Variants in DIP2C observed in about 807,000 individuals in gnomAD.
DIP2C encodes the protein DIP2 acetate--CoA ligase C (putative).
A neutral mutation model predicts 192.4 loss-of-function variants in DIP2C; 33 were observed. The ratio of observed to expected loss-of-function variants is 0.17; its 90% confidence interval spans 0.13 to 0.23. The LOEUF (loss-of-function observed/expected upper bound fraction) is 0.23, where lower values mean the gene tolerates loss of function less well. Among genes scored for constraint, DIP2C ranks in the 10% least tolerant of loss-of-function variants. The pLI, the probability that DIP2C is intolerant of heterozygous loss-of-function variation, is 1.00. For synonymous variants in DIP2C, 979 were observed against 864.1 expected (o/e 1.13, Z -2.33); for missense variants, 1,537 against 2,110.1 (o/e 0.73, Z 5.32).
At chr10:365,053 G>C (rs760707005) in intron 19 of DIP2C, 16 of 525,756 alleles carry the variant, frequency 3.0e-5, no homozygotes, top group Middle Eastern at 3.2e-4. Flanking sequence ...AAGCAAATCA[G>C]ATCAGTTCAA....
intron 1 of DIP2C, among the ~76,000 whole-genome samples, chr10:579,903 CTA>C (rs562925280): frequency 7.8e-4 from 119 of 152,042 alleles, no homozygotes; most frequent in South Asian, 5.0e-3. Flanking sequence ...AGCACACAAT[CTA>C]TATGCATACA....
At chr10:500,755 C>T (rs966563312) in intron 1 of DIP2C, among the ~76,000 whole-genome samples, 3 of 152,200 alleles carry the variant, frequency 2.0e-5, no homozygotes, top group Admixed American at 1.3e-4. Flanking sequence ...AAACAAATCA[C>T]CTCATCTGGG....
rs556087628 is a variant in DIP2C, at chr10:509,193, C to T, written c.86-22663G>A. ...GACTGACTGTAATTCCCTGGTGGCA[C>T]GCGTGGATACTGATTCACCCGGGGA... On this transcript the variant is annotated intron_variant, in intron 1 of 36. Coordinates refer to ENST00000280886, the MANE Select transcript of DIP2C (RefSeq NM_014974.3). Among the ~76,000 whole-genome samples the T allele has an allele frequency of 1.4e-4, 21 of 152,130 alleles. No individual in the cohort carries two copies. The South Asian group carries it at 1.7e-3, about 12-fold the overall frequency.
intron 1 of DIP2C, among the ~76,000 whole-genome samples, chr10:674,479 A>T (rs1830786336): frequency 6.6e-6 from 1 of 152,126 alleles, no homozygotes; most frequent in Admixed American, 6.5e-5. Context: ...TAGTAGATCT[A>T]AATAGAGAGG....
intron 1 of DIP2C, among the ~76,000 whole-genome samples, chr10:672,212 G>A (rs201801064): frequency 9.2e-4 from 139 of 151,674 alleles, no homozygotes; most frequent in East Asian, 3.9e-3. Context: ...AAACACCACC[G>A]ACGCAGGGAC....
chr10:476,517 T>C (rs976960563), intron 2 of DIP2C, among the ~76,000 whole-genome samples: 3 of 152,250 alleles, frequency 2.0e-5, no homozygotes, highest in African/African-American at 7.2e-5. Flanking sequence ...GCCAGGACTA[T>C]TACTTCTGCT....
rs574285588 is a variant in DIP2C at position 346,256 on chromosome 10, G to A, written c.3232-1146C>T. Among the ~76,000 whole-genome samples, 7 of 16,454 alleles carry A rather than the reference G, an allele frequency of 4.3e-4. 3 individuals are homozygous for A. Among genetic ancestry groups the A allele is most frequent in the African/African-American group, 1.7e-3 (7 of 4,082 alleles). 10.8% of individuals were successfully genotyped at this position (16,454 alleles called of 152,430 possible). Reference sequence around the variant, plus strand: ...TATCGCGTATAGTTCTCCTGGAAACGTCACACACACCCAACCCAGACACAT... The same window carrying A: ...TATCGCGTATAGTTCTCCTGGAAACATCACACACACCCAACCCAGACACAT... On this transcript the variant is annotated intron_variant, in intron 26 of 36. Coordinates refer to ENST00000280886, the MANE Select transcript of DIP2C (RefSeq NM_014974.3).
intron 19 of DIP2C, chr10:364,980 C>G (rs187418485): frequency 1.9e-6 from 1 of 534,354 alleles, no homozygotes; most frequent in Admixed American, 2.0e-5. Flanking sequence ...AAAGTAATCT[C>G]TCTTCATTCA....
chr10:390,368 G>A lies in DIP2C; in HGVS notation c.1390C>T (p.Pro464Ser), dbSNP rs1284908793. 1.9e-6 allele frequency: 3 copies of A among 1,613,696 alleles called. No individual in the cohort carries two copies. In the African/African-American group the frequency reaches 4.0e-5, roughly 22 times the overall value. ...TCTGTGACAAACCACAGCAGCTTTG[G>A]CCAACCTTGGAAATAAACAACAAGT... ...TGEIPQFKGW[P>S]KLLWFVTESK... The change falls in exon 12 of 37, where the codon CCA becomes TCA. Residue 464 changes from proline to serine, a missense_variant. Around this residue, in one of 4 missense-constraint regions of DIP2C, gnomAD observed 677 missense variants for 989.9 expected, o/e 0.68. Coordinates refer to ENST00000280886, the MANE Select transcript of DIP2C (RefSeq NM_014974.3).
intron 1 of DIP2C, among the ~76,000 whole-genome samples, chr10:549,070 C>T (rs539237026): frequency 6.6e-6 from 1 of 152,192 alleles, no homozygotes; most frequent in South Asian, 2.1e-4. Flanking sequence ...AAGGCAAAAC[C>T]GATCCACTTT....
chr10:309,687 G>A (rs990779603), intron 32 of DIP2C, among the ~76,000 whole-genome samples: 1 of 151,482 alleles, frequency 6.6e-6, no homozygotes, highest in Non-Finnish European at 1.5e-5. Context: ...GCCTCCCAAA[G>A]AGCTGGGATG....
chr10:326,047 G>A (rs1039193977), intron 31 of DIP2C, among the ~76,000 whole-genome samples: 2 of 152,052 alleles, frequency 1.3e-5, no homozygotes, highest in African/African-American at 4.8e-5. Context: ...CAGGCGTGGT[G>A]GTGTGCACCT....
chr10:447,437 TCA>T (rs1394593590), intron 3 of DIP2C, among the ~76,000 whole-genome samples: 2 of 146,582 alleles, frequency 1.4e-5, no homozygotes, highest in Admixed American at 1.3e-4. Flanking sequence ...ATACTCAGGA[TCA>T]CACACAGTGG....
At chr10:457,666 C>T (rs949924155) in intron 3 of DIP2C, among the ~76,000 whole-genome samples, 1 of 152,174 alleles carries the variant, frequency 6.6e-6, no homozygotes. Context: ...AGTGATCCTT[C>T]CACCTCAGCC....
At chr10:619,114 G>A (rs966063080) in intron 1 of DIP2C, among the ~76,000 whole-genome samples, 1 of 152,176 alleles carries the variant, frequency 6.6e-6, no homozygotes, top group Non-Finnish European at 1.5e-5. Context: ...GAAAGGCACG[G>A]TGAGCCCCCT....
chr10:296,743 A>G (rs1487105086), intron 32 of DIP2C, among the ~76,000 whole-genome samples: 1 of 152,004 alleles, frequency 6.6e-6, no homozygotes, highest in Admixed American at 6.6e-5. Flanking sequence ...TTGTAGGAAC[A>G]TGGAGGAAGG....
In DIP2C at chr10:363,512, C is replaced by A. The variant is rs1412200059; in HGVS notation, c.2478-201G>T. ...GAGGCGCCCAGGGATGCTGCCGAGG[C>A]AAGGTCACCCTGATCCCCACGGAGG... On this transcript the variant is annotated intron_variant, in intron 20 of 36. Coordinates refer to ENST00000280886, the MANE Select transcript of DIP2C (RefSeq NM_014974.3). The surrounding 1 kb of genome is among the most constrained non-coding windows in gnomAD (Gnocchi z 5.4). 6.6e-6 allele frequency among the ~76,000 whole-genome samples: 1 copy of A among 152,172 alleles called. No individual in the cohort carries two copies. Among genetic ancestry groups the A allele is most frequent in the African/African-American group, 2.4e-5 (1 of 41,444 alleles).
At position 566,401 on chromosome 10, in the gene DIP2C, C is replaced by T. The variant is rs563019907; in HGVS notation, c.86-79871G>A. 7.9e-5 allele frequency among the ~76,000 whole-genome samples: 12 copies of T among 152,342 alleles called. No homozygotes were observed. The South Asian group carries it at 2.5e-3, about 32-fold the overall frequency. ...GTTCACCTGGTGCATGAGCCGCTGA[C>T]CCACCAGAGGCGCCACCAAACCCTG... On this transcript the variant is annotated intron_variant, in intron 1 of 36. Coordinates refer to ENST00000280886, the MANE Select transcript of DIP2C (RefSeq NM_014974.3).
In DIP2C at chr10:689,467, C is replaced by G; in HGVS notation, c.85+27G>C. ...GCGGCCCTCCCCGGTGACAGCGCGG[C>G]CCGGCCCGGGGCGGGGGCCCGGTTA... On this transcript the variant is annotated intron_variant, in intron 1 of 36. Coordinates refer to ENST00000280886, the MANE Select transcript of DIP2C (RefSeq NM_014974.3). The surrounding 1 kb of genome is among the most constrained non-coding windows in gnomAD (Gnocchi z 6.1). The G allele has an allele frequency of 2.6e-6, 3 of 1,149,214 alleles. No homozygotes were observed. Among genetic ancestry groups the G allele is most frequent in the Non-Finnish European group, 3.2e-6 (3 of 926,940 alleles). The allele number at this position is 1,149,214 out of a possible 1,614,324, so 71.2% of individuals were successfully genotyped here.
Sources: allele counts gnomAD v4.1 joint callset (sites outside exome capture counted in the v4.1 genomes callset), GRCh38; gene constraint gnomAD v4.1.1; regional missense constraint gnomAD v4.1.1; non-coding constraint Gnocchi (gnomAD v3.1); transcripts MANE v1.5; gene names NCBI Gene and HGNC (gene_info 2026-07-23, HGNC 2026-07-21).